Variants in FAN1 observed in about 807,000 individuals in gnomAD.
The protein encoded by FAN1 is fanconi-associated nuclease 1.
FAN1 carries 91 observed loss-of-function variants against 104.9 expected under a neutral mutation model. The ratio of observed to expected loss-of-function variants is 0.87; its 90% CI spans 0.73 to 1.03. The LOEUF is 1.03. Ranked by LOEUF, FAN1 falls within the 50% of genes least tolerant of loss-of-function variation. FAN1 has a pLI of 0.00. For synonymous variants in FAN1, 478 were observed against 457.6 expected, an observed-to-expected ratio of 1.04 and a Z score of -0.57; for missense variants, 1,263 against 1,239.9, an observed-to-expected ratio of 1.02 and a Z score of -0.28.
intron 3 of FAN1, among the ~76,000 whole-genome samples, chr15:30,909,568 T>C (rs1305001323): frequency 6.6e-6 from 1 of 152,204 alleles, no homozygotes; most frequent in Non-Finnish European, 1.5e-5. Context: ...TACCTTCAAA[T>C]GAGCAACAAA....
At chr15:30,909,151 C>T (rs548492547) in intron 3 of FAN1, among the ~76,000 whole-genome samples, 131 of 152,300 alleles carry the variant, frequency 8.6e-4, no homozygotes, top group African/African-American at 2.9e-3. Context: ...CAAAATTGTA[C>T]TGTATTAGGA....
rs1362280164 is a variant in FAN1, at chr15:30,929,231, G to T, written c.2621G>T (p.Ser874Ile). The change falls in exon 12 of 15, where the codon AGC becomes ATC. Residue 874 changes from serine (S) to isoleucine (I), a missense_variant. Transcript: ENST00000362065. ...QAFPLDLCTD[S>I]FFTSRRPALE... ...TTCCCCCTGGACTTGTGCACAGACA[G>T]CTTCTTCACAAGCAGACGCCCAGCC... 6.2e-7 allele frequency: 1 copy of T among 1,613,224 alleles called. No individual in the cohort carries two copies. Among genetic ancestry groups the T allele is most frequent in the Non-Finnish European group, 8.5e-7 (1 of 1,179,750 alleles).
chr15:30,906,838 G>A (rs984842163), intron 2 of FAN1, among the ~76,000 whole-genome samples: 2 of 152,178 alleles, frequency 1.3e-5, no homozygotes, highest in South Asian at 4.1e-4. Flanking sequence ...CCAGAAGATG[G>A]ACATAATAGC....
chr15:30,922,840 C>T (rs949939376), intron 8 of FAN1, among the ~76,000 whole-genome samples: 2 of 152,216 alleles, frequency 1.3e-5, no homozygotes, highest in South Asian at 2.1e-4. Context: ...TTTGCTCTGC[C>T]ATTTGGAAGC....
At chr15:30,914,836 T>TA (rs1242228430) in intron 5 of FAN1, among the ~76,000 whole-genome samples, 5 of 152,222 alleles carry the variant, frequency 3.3e-5, no homozygotes, top group African/African-American at 1.2e-4. Context: ...GATGATAAAT[T>TA]AGAAATTTTC....
In FAN1 at chr15:30,925,552, C is replaced by T. The variant is rs566533991; in HGVS notation, c.2338-237C>T. ...GAATGGGGCCTCTCAGCATCTGCCC[C>T]GGTTTCATTTACTCACTGGGGACCT... On this transcript the variant is annotated intron_variant, in intron 9 of 14. Coordinates refer to ENST00000362065, the MANE Select transcript of FAN1 (RefSeq NM_014967.5). Among the ~76,000 whole-genome samples, 6 of 152,310 alleles carry T rather than the reference C, an allele frequency of 3.9e-5. No homozygotes were observed. The East Asian group carries it at 9.6e-4, about 24-fold the overall frequency.
intron 13 of FAN1, among the ~76,000 whole-genome samples, chr15:30,935,837 CT>C (rs1026590545): frequency 2.0e-5 from 3 of 151,668 alleles, no homozygotes; most frequent in Admixed American, 1.3e-4. Context: ...ATCAGAGAAT[CT>C]TTTTTTTTCC....
At chr15:30,923,275 C>T (rs905073185) in intron 8 of FAN1, among the ~76,000 whole-genome samples, 3 of 152,226 alleles carry the variant, frequency 2.0e-5, no homozygotes, top group Admixed American at 6.5e-5. Flanking sequence ...CCTTACCACT[C>T]GGTGTTTACT....
At chr15:30,938,849 T>C in intron 14 of FAN1, 1 of 928,976 alleles carries the variant, frequency 1.1e-6, no homozygotes, top group Non-Finnish European at 1.3e-6. Flanking sequence ...AAACATCCCA[T>C]GGATGACACA....
intron 4 of FAN1, chr15:30,911,167 C>A: frequency 9.7e-7 from 1 of 1,028,152 alleles, no homozygotes; most frequent in Non-Finnish European, 1.2e-6. Context: ...GTTTACTAAA[C>A]AAAGTATAAT....
intron 12 of FAN1, 49 bp downstream of exon 12, chr15:30,929,446 C>A: frequency 6.9e-7 from 1 of 1,456,568 alleles, no homozygotes; most frequent in African/African-American, 1.4e-5. Flanking sequence ...TTAACACCGC[C>A]CCAGTGCTGT....
At position 30,936,055 on chromosome 15, in the gene FAN1, ATG is replaced by A. The variant is rs551220597; in HGVS notation, c.2917-1062_2917-1061del. Among the ~76,000 whole-genome samples, 195 of 152,164 alleles carry A rather than the reference ATG, an allele frequency of 1.3e-3. 1 individual carries two copies. The highest frequency in any genetic ancestry group is 4.5e-3 in the African/African-American group (187 of 41,504). On this transcript the variant is annotated intron_variant, in intron 13 of 14. Coordinates refer to ENST00000362065, the MANE Select transcript of FAN1 (RefSeq NM_014967.5). ...TCGTTCCTTTGGGGACTCTAATTAA[ATG>A]TCCCTTAGGCTGCTAAATGCTGTAT... is the stretch of plus-strand genomic sequence containing the variant.
intron 8 of FAN1, among the ~76,000 whole-genome samples, chr15:30,924,452 C>T (rs1422315967): frequency 6.6e-6 from 1 of 152,202 alleles, no homozygotes; most frequent in African/African-American, 2.4e-5. Context: ...TTCCCACCAG[C>T]AATGCGTGAG....
At chr15:30,904,297 C>T (rs951067261) in intron 1 of FAN1, among the ~76,000 whole-genome samples, 1 of 152,056 alleles carries the variant, frequency 6.6e-6, no homozygotes, top group Non-Finnish European at 1.5e-5. Context: ...TTAAAGATGT[C>T]CTAGAAATTA....
At position 30,941,551 on chromosome 15, in the gene FAN1, G is replaced by A. The variant is rs1294676457; in HGVS notation, c.*4-15G>A. ...ATTTGCTTAATGGTGTTCCTAAAAT[G>A]CTTCGTCTGCACAGATTCCCTACAG... On this transcript the variant is annotated splice_polypyrimidine_tract_variant and intron_variant, in intron 14 of 14. Coordinates refer to ENST00000362065, the MANE Select transcript of FAN1 (RefSeq NM_014967.5). 1 of 1,604,654 alleles carries A rather than the reference G, an allele frequency of 6.2e-7. No individual in the cohort carries two copies. Among genetic ancestry groups the A allele is most frequent in the East Asian group, 2.2e-5 (1 of 44,690 alleles).
chr15:30,920,199 G>A lies in FAN1; in HGVS notation c.1944-346G>A, dbSNP rs529331282. Among the ~76,000 whole-genome samples, 4 of 152,264 alleles carry A rather than the reference G, an allele frequency of 2.6e-5. No individual in the cohort carries two copies. In the South Asian group the frequency reaches 8.3e-4, roughly 32 times the overall value. ...TCATACAATTTTCGCATACCAAAGT[G>A]TATTATTCTCTTTATTTATTAACAA... On this transcript the variant is annotated intron_variant, in intron 6 of 14. Transcript: ENST00000362065.
intron 14 of FAN1, chr15:30,941,337 A>C: frequency 6.5e-7 from 1 of 1,534,058 alleles, no homozygotes; most frequent in Non-Finnish European, 8.7e-7. Context: ...ACATGTTTTT[A>C]AATATTAGTG....
chr15:30,904,791 C>T lies in FAN1; in HGVS notation c.128C>T (p.Ala43Val). 2 of 1,613,744 alleles carry T rather than the reference C, an allele frequency of 1.2e-6. No individual in the cohort carries two copies. The highest frequency in any genetic ancestry group is 1.1e-5 in the South Asian group (1 of 91,078). ...AACAATGCACCACCTGCTAAACTTGCCTGCCCCGTTTGCAGTAAAATGGTG... is the reference window on the plus strand; with the variant it reads ...AACAATGCACCACCTGCTAAACTTGTCTGCCCCGTTTGCAGTAAAATGGTG... ...CFNNAPPAKL[A>V]CPVCSKMVPR... Residue 43 changes from alanine to valine, a missense_variant, in exon 2 of 15, where the codon GCC becomes GTC. This residue lies in a region of FAN1 where 682 missense variants were observed against 571.1 expected (regional missense o/e 1.19). Transcript: ENST00000362065.
In FAN1 at chr15:30,926,142, C is replaced by G. The variant is rs192289223; in HGVS notation, c.2488+203C>G. 1.1e-3 allele frequency among the ~76,000 whole-genome samples: 168 copies of G among 152,282 alleles called. 1 individual carries two copies. The highest frequency in any genetic ancestry group is 3.8e-3 in the African/African-American group (158 of 41,544). The stretch of plus-strand genomic sequence containing the variant: ...GGGGTAGTTGTCCCACAGGGCCTGG[C>G]TCTGATCTTTTTTCTTTTATAAAAA... On this transcript the variant is annotated intron_variant, in intron 10 of 14. Coordinates refer to ENST00000362065, the MANE Select transcript of FAN1 (RefSeq NM_014967.5).
Sources: gnomAD v4.1 joint callset for allele counts (sites outside exome capture counted in the v4.1 genomes callset) on GRCh38, gnomAD v4.1.1 for gene constraint, gnomAD v4.1.1 regional missense constraint, MANE v1.5 for transcripts, NCBI Gene and HGNC (gene_info 2026-07-23, HGNC 2026-07-21) for gene names.